PDE4D: variants seen among roughly 807,000 people sequenced by gnomAD.
PDE4D encodes 3',5'-cyclic-AMP phosphodiesterase 4D.
Under a neutral mutation model 87.4 loss-of-function variants are expected in PDE4D, and 24 were observed. That is an observed-to-expected ratio of 0.27 (90% CI 0.20 to 0.39). The LOEUF is 0.39. PDE4D is among the 10% of genes least tolerant of loss of function. The probability of loss-of-function intolerance (pLI) is 1.00; values close to 1 mark genes in which losing one functional copy is unlikely to be tolerated. For missense variants in PDE4D, 714 were observed against 1,041.0 expected, an observed-to-expected ratio of 0.69 and a Z score of 4.32; for synonymous variants, 384 against 383.2, an observed-to-expected ratio of 1.00 and a Z score of -0.02.
intron 1 of PDE4D, among the ~76,000 whole-genome samples, chr5:59,360,676 T>G (rs1190382834): frequency 1.3e-5 from 2 of 152,204 alleles, no homozygotes; most frequent in African/African-American, 2.4e-5. Context: ...TACCAAAATT[T>G]TCTTTGAATT....
At chr5:60,317,803 T>C (rs560229826) in intron 1 of PDE4D, among the ~76,000 whole-genome samples, 4 of 152,338 alleles carry the variant, frequency 2.6e-5, no homozygotes, top group African/African-American at 9.6e-5. Context: ...CAGTTTTGAG[T>C]GAGTTTCTTA....
intron 1 of PDE4D, among the ~76,000 whole-genome samples, chr5:59,713,658 C>T (rs1754544052): frequency 6.6e-6 from 1 of 152,156 alleles, no homozygotes; most frequent in South Asian, 2.1e-4. Flanking sequence ...GTGGCCACGA[C>T]ATGGGTTGTG....
At chr5:59,925,058 C>G (rs951295197) in intron 3 of PDE4D, among the ~76,000 whole-genome samples, 2 of 150,324 alleles carry the variant, frequency 1.3e-5, no homozygotes, top group African/African-American at 4.9e-5. Flanking sequence ...GCCTGTAGTC[C>G]CAGCTACTCA....
At chr5:60,365,262 C>A (rs1467174425) in intron 1 of PDE4D, among the ~76,000 whole-genome samples, 1 of 152,190 alleles carries the variant, frequency 6.6e-6, no homozygotes, top group East Asian at 1.9e-4. Flanking sequence ...GCAATGTTAG[C>A]ACAAACATTT....
intron 1 of PDE4D, among the ~76,000 whole-genome samples, chr5:59,734,154 T>G (rs1005646476): frequency 2.0e-5 from 3 of 152,116 alleles, no homozygotes; most frequent in Non-Finnish European, 4.4e-5. Context: ...CAGGTTTGTA[T>G]ATATTTGCCA....
At chr5:59,704,197 G>A (rs570561263) in intron 1 of PDE4D, among the ~76,000 whole-genome samples, 3 of 152,234 alleles carry the variant, frequency 2.0e-5, no homozygotes, top group East Asian at 3.9e-4. Context: ...TTATGTAGGT[G>A]ACAAGCTAAC....
intron 1 of PDE4D, among the ~76,000 whole-genome samples, chr5:59,651,307 T>A (rs997174882): frequency 1.9e-4 from 28 of 146,120 alleles, no homozygotes; most frequent in African/African-American, 6.3e-4. Flanking sequence ...TAATAATAAT[T>A]GCTAAATGAG....
chr5:60,206,372 C>A (rs1174166869), intron 1 of PDE4D, among the ~76,000 whole-genome samples: 1 of 152,226 alleles, frequency 6.6e-6, no homozygotes, highest in Non-Finnish European at 1.5e-5. Flanking sequence ...ATTTCCCAAC[C>A]TTTTCTAGTG....
At chr5:59,119,857 C>T (rs1774196865) in intron 5 of PDE4D, among the ~76,000 whole-genome samples, 1 of 152,138 alleles carries the variant, frequency 6.6e-6, no homozygotes, top group Non-Finnish European at 1.5e-5. Flanking sequence ...TGTGTCATTG[C>T]TTTTTGAGAT....
chr5:60,415,445 G>A (rs1742414934), intron 1 of PDE4D, among the ~76,000 whole-genome samples: 1 of 152,376 alleles, frequency 6.6e-6, no homozygotes, highest in African/African-American at 2.4e-5. Flanking sequence ...AGCTTGCGGG[G>A]AGGTGTGGAG....
At chr5:59,178,150 G>C (rs925432091) in intron 5 of PDE4D, among the ~76,000 whole-genome samples, 1 of 151,996 alleles carries the variant, frequency 6.6e-6, no homozygotes, top group Non-Finnish European at 1.5e-5. Flanking sequence ...GGTTTTAAGG[G>C]CCCACTTTTT....
intron 5 of PDE4D, among the ~76,000 whole-genome samples, chr5:59,144,859 T>C (rs1778370350): frequency 8.2e-6 from 1 of 121,588 alleles, no homozygotes; most frequent in Non-Finnish European, 1.6e-5. Flanking sequence ...ATTTCCCTTT[T>C]AGAGACCGTA....
At chr5:60,111,444 T>A (rs945369749) in intron 2 of PDE4D, among the ~76,000 whole-genome samples, 55 of 152,144 alleles carry the variant, frequency 3.6e-4, no homozygotes, top group African/African-American at 1.1e-3. Context: ...AAGTATCATA[T>A]ATTTGTTAAA....
At chr5:59,321,862 G>T (rs993925444) in intron 1 of PDE4D, among the ~76,000 whole-genome samples, 3 of 152,134 alleles carry the variant, frequency 2.0e-5, no homozygotes, top group African/African-American at 7.2e-5. Flanking sequence ...GTACACGCAT[G>T]CGCACTTGTG....
chr5:59,320,798 C>T (rs1224009107), intron 1 of PDE4D, among the ~76,000 whole-genome samples: 1 of 151,916 alleles, frequency 6.6e-6, no homozygotes, highest in African/African-American at 2.4e-5. Flanking sequence ...ACCTCCTTTC[C>T]TCCTCTACTC....
chr5:59,332,381 G>T (rs1776889797), intron 1 of PDE4D, among the ~76,000 whole-genome samples: 1 of 152,110 alleles, frequency 6.6e-6, no homozygotes, highest in Admixed American at 6.5e-5. Context: ...GAGATGGAAA[G>T]CCCTGGGGTC....
At chr5:60,196,775 A>C (rs1389631937) in intron 1 of PDE4D, among the ~76,000 whole-genome samples, 1 of 151,644 alleles carries the variant, frequency 6.6e-6, no homozygotes, top group African/African-American at 2.4e-5. Flanking sequence ...GAGTTCATCA[A>C]GGCACTGAGC....
intron 5 of PDE4D, among the ~76,000 whole-genome samples, chr5:59,074,985 A>T (rs1765437162): frequency 6.6e-6 from 1 of 152,006 alleles, no homozygotes; most frequent in Non-Finnish European, 1.5e-5. Context: ...AGAGCTGATC[A>T]GAAGACCTGA....
chr5:59,277,085 G>A (rs1476173897), intron 1 of PDE4D, among the ~76,000 whole-genome samples: 1 of 152,138 alleles, frequency 6.6e-6, no homozygotes, highest in South Asian at 2.1e-4. Context: ...CTAGTCTGAC[G>A]TGAACTTGGT....
Sources: allele counts gnomAD v4.1 joint callset (sites outside exome capture counted in the v4.1 genomes callset), GRCh38; gene constraint gnomAD v4.1.1; transcripts MANE v1.5; gene names NCBI Gene and HGNC (gene_info 2026-07-23, HGNC 2026-07-21).